The following CUX2 variants were observed in gnomAD, a reference collection of about 807,000 sequenced individuals.
CUX2 encodes the protein homeobox protein cut-like 2.
A neutral mutation model predicts 144.8 loss-of-function variants in CUX2; 40 were observed. The observed-to-expected ratio is 0.28, with a 90% CI of 0.21 to 0.36. The LOEUF (loss-of-function observed/expected upper bound fraction) is 0.36, where lower values mean the gene tolerates loss of function less well. Ranked by LOEUF, CUX2 falls within the 10% of genes least tolerant of loss-of-function variation. CUX2 has a pLI of 1.00. For synonymous variants in CUX2, 827 were observed against 875.6 expected (o/e 0.94, Z 0.98); for missense variants, 1,615 against 1,994.0 (o/e 0.81, Z 3.62).
At chr12:111,232,569 A>C (rs138553084) in intron 3 of CUX2, among the ~76,000 whole-genome samples, 1 of 152,172 alleles carries the variant, frequency 6.6e-6, no homozygotes, top group Non-Finnish European at 1.5e-5. Context: ...CAAACAATAC[A>C]CCATTTTGTA....
rs185208148 is a variant in CUX2, at chr12:111,273,531, T to G, written c.301+9692T>G. Among the ~76,000 whole-genome samples the G allele has an allele frequency of 7.2e-5, 11 of 152,282 alleles. No individual in the cohort carries two copies. The East Asian group carries it at 1.9e-3, about 27-fold the overall frequency. ...ACAAAACCACTGGAGATTTGAGCTC[T>G]AAAAAGAGTGAAAAACAGTTAAAGG... On this transcript the variant is annotated intron_variant, in intron 4 of 21. Coordinates refer to ENST00000261726, the MANE Select transcript of CUX2 (RefSeq NM_015267.4).
At chr12:111,225,260 G>C (rs1164505095) in intron 3 of CUX2, among the ~76,000 whole-genome samples, 1 of 152,202 alleles carries the variant, frequency 6.6e-6, no homozygotes, top group Non-Finnish European at 1.5e-5. Context: ...GGCATTCCCA[G>C]CAGGTGAGCT....
At chr12:111,096,658 G>C (rs1007421885) in intron 1 of CUX2, among the ~76,000 whole-genome samples, 2 of 152,306 alleles carry the variant, frequency 1.3e-5, no homozygotes, top group African/African-American at 4.8e-5. Context: ...TCAGCCACGG[G>C]GTGGGTTTGT....
intron 1 of CUX2, among the ~76,000 whole-genome samples, chr12:111,208,854 A>T (rs1385460519): frequency 6.6e-6 from 1 of 152,116 alleles, no homozygotes; most frequent in African/African-American, 2.4e-5. Flanking sequence ...TTTATAACAA[A>T]CACAGGCAGC....
At chr12:111,167,262 CT>C (rs1285696654) in intron 1 of CUX2, among the ~76,000 whole-genome samples, 2 of 152,172 alleles carry the variant, frequency 1.3e-5, no homozygotes, top group African/African-American at 4.8e-5. Context: ...AGCTTAGGGG[CT>C]TTTGCTTCTT....
intron 1 of CUX2, among the ~76,000 whole-genome samples, chr12:111,205,010 G>A (rs983466144): frequency 4.6e-5 from 7 of 152,284 alleles, no homozygotes; most frequent in Non-Finnish European, 7.4e-5. Context: ...CCCTGGCCTC[G>A]GATAATTGGC....
chr12:111,211,345 T>G (rs895055512), intron 1 of CUX2, among the ~76,000 whole-genome samples: 4 of 152,122 alleles, frequency 2.6e-5, no homozygotes, highest in Non-Finnish European at 4.4e-5. Flanking sequence ...CTGTTCTCTC[T>G]GCAGTGTGGA....
chr12:111,150,033 T>G (rs552405865), intron 1 of CUX2, among the ~76,000 whole-genome samples: 23 of 152,298 alleles, frequency 1.5e-4, no homozygotes, highest in Non-Finnish European at 1.5e-5. Flanking sequence ...GAGTAATACA[T>G]GATCATTTTG....
chr12:111,083,389 G>T (rs897122943), intron 1 of CUX2, among the ~76,000 whole-genome samples: 1 of 152,132 alleles, frequency 6.6e-6, no homozygotes, highest in Non-Finnish European at 1.5e-5. Flanking sequence ...TGGGGCCGGG[G>T]TCCAAGGTCT....
Position 111,336,424 on chromosome 12 carries a change from T to TTGTG in CUX2, c.3196+1746_3196+1749dup, listed in dbSNP as rs57009074. Among the ~76,000 whole-genome samples, 1,333 of 146,100 alleles carry TTGTG rather than the reference T, an allele frequency of 9.1e-3. 13 individuals carry two copies. Among genetic ancestry groups the TTGTG allele is most frequent in the African/African-American group, 0.017 (694 of 39,786 alleles). ...CATTGGCCTCTCAGACACTTCAGTG[T>TTGTG]TGTGTGTGTGTGTGTGTGTGTGTGT... On this transcript the variant is annotated intron_variant, in intron 19 of 21. Transcript: ENST00000261726.
At chr12:111,152,478 C>T (rs1039423603) in intron 1 of CUX2, among the ~76,000 whole-genome samples, 1 of 152,046 alleles carries the variant, frequency 6.6e-6, no homozygotes, top group African/African-American at 2.4e-5. Context: ...CCACCATTGG[C>T]CTTGTGTTGG....
intron 1 of CUX2, among the ~76,000 whole-genome samples, chr12:111,205,407 G>A (rs1880861570): frequency 6.6e-6 from 1 of 152,130 alleles, no homozygotes; most frequent in African/African-American, 2.4e-5. Context: ...CTCCCACAAA[G>A]TTGTCCCTCC....
chr12:111,232,022 C>T (rs576165026), intron 3 of CUX2, among the ~76,000 whole-genome samples: 14 of 152,176 alleles, frequency 9.2e-5, no homozygotes, highest in African/African-American at 3.4e-4. Flanking sequence ...AGGAGAATTG[C>T]TTGAACCTTT....
At chr12:111,075,811 A>G (rs1242027675) in intron 1 of CUX2, among the ~76,000 whole-genome samples, 1 of 152,168 alleles carries the variant, frequency 6.6e-6, no homozygotes, top group Non-Finnish European at 1.5e-5. Flanking sequence ...TCACTCAGCA[A>G]GAGGCCCCTG....
rs1328581658 is a variant in CUX2 at position 111,246,961 on chromosome 12, T to C, written c.223-16800T>C. ...GGCTGGGGCTGTGTTTTGTTCATCT[T>C]GGCATAGGGCTGTGTACATCAAGGA... On this transcript the variant is annotated intron_variant, in intron 3 of 21. Coordinates refer to ENST00000261726, the MANE Select transcript of CUX2 (RefSeq NM_015267.4). This position sits in a 1 kb window ranked among gnomAD's most constrained non-coding sequence, Gnocchi z 4.0. Among the ~76,000 whole-genome samples, 1 of 152,218 alleles carries C rather than the reference T, an allele frequency of 6.6e-6. No individual in the cohort carries two copies. Among genetic ancestry groups the C allele is most frequent in the Non-Finnish European group, 1.5e-5 (1 of 68,038 alleles).
chr12:111,300,240 T>C (rs990034886), intron 9 of CUX2, among the ~76,000 whole-genome samples: 1 of 151,984 alleles, frequency 6.6e-6, no homozygotes, highest in Non-Finnish European at 1.5e-5. Flanking sequence ...CCTGCCTCAG[T>C]CCCCCAAGTA....
At chr12:111,318,409 C>T (rs1238927322) in intron 16 of CUX2, among the ~76,000 whole-genome samples, 1 of 150,994 alleles carries the variant, frequency 6.6e-6, no homozygotes, top group Non-Finnish European at 1.5e-5. Context: ...TTTTTTCACT[C>T]AATATTATGT....
At chr12:111,056,744 C>G (rs991176495) in intron 1 of CUX2, among the ~76,000 whole-genome samples, 1 of 152,166 alleles carries the variant, frequency 6.6e-6, no homozygotes, top group Non-Finnish European at 1.5e-5. Flanking sequence ...TTGCAGGAAG[C>G]CTTGGTGGCG....
intron 16 of CUX2, among the ~76,000 whole-genome samples, chr12:111,314,124 T>C (rs2136383035): frequency 6.6e-6 from 1 of 152,300 alleles, no homozygotes; most frequent in Admixed American, 6.5e-5. Context: ...ATTTCCCTCT[T>C]GGTCAGTTCC....
Sources: allele counts gnomAD v4.1 joint callset (sites outside exome capture counted in the v4.1 genomes callset), GRCh38; gene constraint gnomAD v4.1.1; non-coding constraint Gnocchi (gnomAD v3.1); transcripts MANE v1.5; gene names NCBI Gene and HGNC (gene_info 2026-07-23, HGNC 2026-07-21).